Variants in NUP160 observed in about 807,000 individuals in gnomAD.
The protein encoded by NUP160 is nucleoporin 160.
Under a neutral mutation model 196.9 loss-of-function variants are expected in NUP160, and 94 were observed. The observed-to-expected ratio is 0.48, with a 90% CI of 0.40 to 0.57. The LOEUF (loss-of-function observed/expected upper bound fraction) is 0.57, where lower values mean the gene tolerates loss of function less well. NUP160 is among the 20% of genes least tolerant of loss of function. The pLI is 0.00. For missense variants in NUP160, 1,638 were observed against 1,748.3 expected (o/e 0.94, Z 1.13); for synonymous variants, 605 against 619.7 (o/e 0.98, Z 0.35).
chr11:47,831,842 C>CAAAAAAAAAAAAAAAAAAAAAAA (rs372159602), intron 7 of NUP160, among the ~76,000 whole-genome samples: 1 of 66,666 alleles, frequency 1.5e-5, no homozygotes. Flanking sequence ...GACTCTCTCT[C>CAAAAAAAAAAAAAAAAAAAAAAA]AAAAAAAAAA....
At chr11:47,814,236 T>C (rs1301149814) in intron 13 of NUP160, among the ~76,000 whole-genome samples, 1 of 151,350 alleles carries the variant, frequency 6.6e-6, no homozygotes, top group Non-Finnish European at 1.5e-5. Context: ...CTGATAACAG[T>C]TTGAGGTTAA....
intron 27 of NUP160, among the ~76,000 whole-genome samples, chr11:47,793,915 A>C (rs2097669416): frequency 6.6e-6 from 1 of 151,728 alleles, no homozygotes; most frequent in Non-Finnish European, 1.5e-5. Context: ...TAATTTTTAA[A>C]GACATTTTTA....
chr11:47,806,852 C>CACACACACACAT (rs1428564239), intron 19 of NUP160, among the ~76,000 whole-genome samples: 21 of 124,324 alleles, frequency 1.7e-4, no homozygotes, highest in African/African-American at 3.8e-4. Flanking sequence ...CACACACACA[C>CACACACACACAT]ATATATATAC....
intron 13 of NUP160, among the ~76,000 whole-genome samples, chr11:47,813,967 A>G (rs558600517): frequency 1.8e-3 from 261 of 145,066 alleles, no homozygotes; most frequent in African/African-American, 6.3e-3. Context: ...GCTACTGGTG[A>G]GGCTGAGGCA....
At chr11:47,802,655 T>G (rs1019688907) in intron 22 of NUP160, among the ~76,000 whole-genome samples, 7 of 151,942 alleles carry the variant, frequency 4.6e-5, no homozygotes, top group Non-Finnish European at 8.8e-5. Context: ...AAAAGCAGCA[T>G]AAAACAATAA....
intron 4 of NUP160, among the ~76,000 whole-genome samples, chr11:47,838,388 A>T (rs544138630): frequency 1.3e-5 from 2 of 152,344 alleles, no homozygotes. Context: ...TTTATTCAGC[A>T]TAACATGATA....
rs1365372748 is a variant in NUP160, at chr11:47,792,813, C to A, written c.3423G>T (p.Trp1141Cys). Residue 1141 changes from tryptophan to cysteine, a missense_variant, in exon 28 of 36, where the codon TGG becomes TGT. Trp to Cys is a radical substitution (Grantham distance 215). This residue lies in a region of NUP160 where 1,345 missense variants were observed against 1,470.2 expected (regional missense o/e 0.91). Transcript: ENST00000378460. The stretch of plus-strand genomic sequence containing the variant: ...CTGCACCAGACACTGGCTGCACAAT[C>A]CACGCATATTCTGGACGAATAAGTC... 3 of 1,613,876 alleles carry A rather than the reference C, an allele frequency of 1.9e-6. No individual in the cohort carries two copies. In the South Asian group the frequency reaches 3.3e-5, roughly 18 times the overall value.
At chr11:47,803,871 A>G (rs1311213206) in intron 21 of NUP160, among the ~76,000 whole-genome samples, 2 of 152,170 alleles carry the variant, frequency 1.3e-5, no homozygotes, top group Admixed American at 6.6e-5. Flanking sequence ...AAGAAAACCT[A>G]GCAGAGACAA....
At chr11:47,815,701 T>C in intron 12 of NUP160, 52 bp from the exon 13 acceptor site, 1 of 1,451,452 alleles carries the variant, frequency 6.9e-7, no homozygotes, top group Non-Finnish European at 9.3e-7. Flanking sequence ...TTCAGGATCT[T>C]TGTCCACAAA....
exon 34 of NUP160, chr11:47,783,158 T>C: frequency 6.2e-7 from 1 of 1,613,926 alleles, no homozygotes; most frequent in Non-Finnish European, 8.5e-7. Context: ...TAAAAGGTCA[T>C]AGTTTAAGTA....
intron 27 of NUP160, among the ~76,000 whole-genome samples, chr11:47,793,498 A>G (rs972027980): frequency 6.6e-6 from 1 of 152,072 alleles, no homozygotes; most frequent in African/African-American, 2.4e-5. Context: ...CAGTTCCTCA[A>G]AAAATTAAAA....
intron 7 of NUP160, among the ~76,000 whole-genome samples, chr11:47,827,602 T>C (rs1239927468): frequency 6.6e-6 from 1 of 151,792 alleles, no homozygotes; most frequent in Admixed American, 6.6e-5. Flanking sequence ...CCGGCAACTC[T>C]ACTCAGAAGG....
chr11:47,835,634 T>C lies in NUP160; in HGVS notation c.1101+17A>G, dbSNP rs1400561131. The C allele has an allele frequency of 6.5e-7, 1 of 1,548,484 alleles. No homozygotes were observed. The highest frequency in any genetic ancestry group is 8.7e-7 in the Non-Finnish European group (1 of 1,146,892). ...TACACACAGAATAACTTGGTATGTGTCTTATTTGTTTCATACCTGTCCTCG... is the reference window on the plus strand; with the variant it reads ...TACACACAGAATAACTTGGTATGTGCCTTATTTGTTTCATACCTGTCCTCG... On this transcript the variant is annotated intron_variant, in intron 7 of 35. Coordinates refer to ENST00000378460, the Ensembl canonical transcript of NUP160.
At chr11:47,844,724 T>C (rs554986298) in intron 2 of NUP160, among the ~76,000 whole-genome samples, 4 of 152,292 alleles carry the variant, frequency 2.6e-5, no homozygotes, top group Non-Finnish European at 5.9e-5. Flanking sequence ...GTCAGAGGCA[T>C]GTGAACCAGA....
intron 9 of NUP160, among the ~76,000 whole-genome samples, chr11:47,820,892 T>G (rs1205613585): frequency 6.6e-6 from 1 of 152,054 alleles, no homozygotes. Context: ...CTATGTTGCC[T>G]GGACAGGTCT....
At chr11:47,833,488 C>T (rs1290027516) in intron 7 of NUP160, among the ~76,000 whole-genome samples, 1 of 151,868 alleles carries the variant, frequency 6.6e-6, no homozygotes, top group Non-Finnish European at 1.5e-5. Context: ...TAAAGTGAAC[C>T]TGTCATTTCA....
At chr11:47,804,647 T>G in intron 20 of NUP160, 29 bp from the exon 21 acceptor site, 1 of 1,452,330 alleles carries the variant, frequency 6.9e-7, no homozygotes, top group Non-Finnish European at 9.2e-7. Context: ...TATTTCTTAA[T>G]TTTTGTTGGC....
chr11:47,848,004 A>G, intron 1 of NUP160, 45 bp from the exon 2 acceptor site: 2 of 1,484,160 alleles, frequency 1.3e-6, no homozygotes, highest in Non-Finnish European at 1.9e-6. Flanking sequence ...CTTCTGAGAA[A>G]TGACAGGGAC....
At chr11:47,832,990 T>C (rs1453297545) in intron 7 of NUP160, among the ~76,000 whole-genome samples, 2 of 146,106 alleles carry the variant, frequency 1.4e-5, no homozygotes, top group Non-Finnish European at 3.0e-5. Context: ...TGGGAAGAAA[T>C]GGGGGAAGGG....
Sources: gnomAD v4.1 joint callset for allele counts (sites outside exome capture counted in the v4.1 genomes callset) on GRCh38, gnomAD v4.1.1 for gene constraint, gnomAD v4.1.1 regional missense constraint, MANE v1.5 for transcripts, NCBI Gene and HGNC (gene_info 2026-07-23, HGNC 2026-07-21) for gene names.